The following POU2F2 variants were observed in gnomAD, a reference collection of about 807,000 sequenced individuals.
POU2F2 encodes POU domain, class 2, transcription factor 2.
In POU2F2, 14 loss-of-function variants were observed where a neutral mutation model predicts 63.5. The observed-to-expected ratio is 0.22, with a 90% CI of 0.15 to 0.34. The LOEUF (loss-of-function observed/expected upper bound fraction) is 0.34. Ranked by LOEUF, POU2F2 falls within the 10% of genes least tolerant of loss-of-function variation. The probability of loss-of-function intolerance (pLI) is 1.00; values close to 1 mark genes in which losing one functional copy is unlikely to be tolerated. For synonymous variants in POU2F2, 306 were observed against 348.6 expected, an observed-to-expected ratio of 0.88 and a Z score of 1.36; for missense variants, 607 against 815.2, an observed-to-expected ratio of 0.74 and a Z score of 3.11.
At chr19:42,130,148 CACAG>C (rs2033578148) in intron 1 of POU2F2, among the ~76,000 whole-genome samples, 1 of 152,082 alleles carries the variant, frequency 6.6e-6, no homozygotes, top group East Asian at 1.9e-4. Flanking sequence ...CGGAGTCGAA[CACAG>C]ACATACACCC....
intron 5 of POU2F2, among the ~76,000 whole-genome samples, chr19:42,113,957 C>T (rs191854727): frequency 1.3e-5 from 2 of 152,248 alleles, no homozygotes; most frequent in East Asian, 1.9e-4. Context: ...GTAGAAATGA[C>T]GTCAAAGGGC....
Position 42,093,877 on chromosome 19 carries a change from C to A in POU2F2, c.1216G>T (p.Ala406Ser), listed in dbSNP as rs768313993. The A allele has an allele frequency of 1.2e-6, 2 of 1,611,856 alleles. No homozygotes were observed. Among genetic ancestry groups the A allele is most frequent in the African/African-American group, 2.7e-5 (2 of 74,906 alleles). Residue 406 changes from alanine (A) to serine (S), a missense_variant, in exon 12 of 15, where the codon GCG becomes TCG. Around this residue, in one of 7 missense-constraint regions of POU2F2, gnomAD observed 270 missense variants for 307.5 expected, o/e 0.88. Coordinates refer to ENST00000692977, the MANE Select transcript of POU2F2 (RefSeq NM_001394376.1). ...GCTTGGGACAACGGTAAGGTCCCCGCGCCCCCTTGGGGTGTGACCTGAGGA... is the reference window on the plus strand; with the variant it reads ...GCTTGGGACAACGGTAAGGTCCCCGAGCCCCCTTGGGGTGTGACCTGAGGA... Reference protein sequence around the residue: ...SPHMVTPQGGAGTLPLSQASS... With the variant: ...SPHMVTPQGGSGTLPLSQASS...
chr19:42,101,078 C>T (rs1023156869), intron 5 of POU2F2, among the ~76,000 whole-genome samples: 1 of 152,118 alleles, frequency 6.6e-6, no homozygotes, highest in Non-Finnish European at 1.5e-5. Context: ...TGCACTGCAG[C>T]CTGGGTGACA....
intron 1 of POU2F2, among the ~76,000 whole-genome samples, chr19:42,194,375 C>T (rs1355109291): frequency 6.6e-6 from 1 of 151,258 alleles, no homozygotes; most frequent in African/African-American, 2.4e-5. Flanking sequence ...GAGCAAGACC[C>T]TGTTGAAAGA....
chr19:42,195,330 C>CTTTTTTT (rs894258162), intron 1 of POU2F2, among the ~76,000 whole-genome samples: 19 of 125,522 alleles, frequency 1.5e-4, no homozygotes, highest in African/African-American at 2.5e-4. Context: ...CCCTCTTTTT[C>CTTTTTTT]TTTTTTTTTT....
In POU2F2 at chr19:42,095,666, G is replaced by T. The variant is rs1317810840; in HGVS notation, c.899C>A (p.Pro300His). The T allele has an allele frequency of 3.7e-6, 6 of 1,612,284 alleles. No homozygotes were observed. The highest frequency in any genetic ancestry group is 4.2e-6 in the Non-Finnish European group (5 of 1,179,842). The change falls in exon 10 of 15, where the codon CCC (proline) becomes CAC (histidine). Residue 300 changes from proline (P) to histidine (H), a missense_variant. Pro to His is a moderately conservative substitution (Grantham distance 77, BLOSUM62 -2). Transcript: ENST00000692977. This position sits in a 1 kb window ranked among gnomAD's most constrained non-coding sequence, Gnocchi z 7.1. ...GGGGCTGCTCAGCTGGTTGGGGCTG[G>T]GCAGGCTTGAGTCCACAGACATAGT... Reference protein sequence around the residue: ...AETMSVDSSLPSPNQLSSPSL... With the variant: ...AETMSVDSSLHSPNQLSSPSL...
intron 1 of POU2F2, among the ~76,000 whole-genome samples, chr19:42,184,908 G>T (rs966811064): frequency 6.6e-6 from 1 of 151,974 alleles, no homozygotes; most frequent in Non-Finnish European, 1.5e-5. Context: ...CCTCCTAGAG[G>T]TTCCAAAAAT....
intron 1 of POU2F2, among the ~76,000 whole-genome samples, chr19:42,191,238 C>T (rs571657038): frequency 7.0e-4 from 106 of 152,244 alleles, no homozygotes; most frequent in African/African-American, 2.5e-3. Context: ...TTAGGTTCCT[C>T]CCTAAAAGAA....
Position 42,153,647 on chromosome 19 carries a change from T to C in POU2F2, c.-9+6685A>G, listed in dbSNP as rs371192094. Reference sequence around the variant, plus strand: ...CTCCTCATGAGTGTCGGAGAGTCCATGCGGTTTCTCTGTGTGTCTATGTGA... The same window carrying C: ...CTCCTCATGAGTGTCGGAGAGTCCACGCGGTTTCTCTGTGTGTCTATGTGA... On this transcript the variant is annotated intron_variant, in intron 2 of 6. Coordinates refer to the POU2F2 transcript ENST00000524801. The surrounding 1 kb of genome is among the most constrained non-coding windows in gnomAD (Gnocchi z 5.6). 2.0e-4 allele frequency among the ~76,000 whole-genome samples: 30 copies of C among 152,120 alleles called. No homozygotes were observed.
At chr19:42,140,227 C>T (rs1009221173) in intron 2 of POU2F2, among the ~76,000 whole-genome samples, 1 of 152,270 alleles carries the variant, frequency 6.6e-6, no homozygotes, top group East Asian at 1.9e-4. Context: ...TGCTGCTGCC[C>T]CCAGGCTTTC....
chr19:42,132,499 A>T (rs1233289941), upstream of POU2F2: 1 of 1,307,538 alleles, frequency 7.6e-7, no homozygotes. Context: ...GAAGTCACTC[A>T]GGGAGGAAAC....
intron 1 of POU2F2, among the ~76,000 whole-genome samples, chr19:42,168,671 A>G (rs2034698695): frequency 6.6e-6 from 1 of 152,360 alleles, no homozygotes; most frequent in East Asian, 1.9e-4. Flanking sequence ...ACCTAGGGAC[A>G]TGCCAGAGGA....
Position 42,153,555 on chromosome 19 carries a change from G to A in POU2F2, c.-9+6777C>T, listed in dbSNP as rs868030821. Among the ~76,000 whole-genome samples, 3 of 152,072 alleles carry A rather than the reference G, an allele frequency of 2.0e-5. No individual in the cohort carries two copies. The highest frequency in any genetic ancestry group is 7.2e-5 in the African/African-American group (3 of 41,382). On this transcript the variant is annotated intron_variant, in intron 2 of 6. Transcript: ENST00000524801. The surrounding 1 kb of genome is among the most constrained non-coding windows in gnomAD (Gnocchi z 5.6). The stretch of plus-strand genomic sequence containing the variant: ...GGGTCCCGTGTGGATCTGTGCCTGT[G>A]CCTGTGGGCAGCTGCGTGTGCTTCA...
upstream of POU2F2, among the ~76,000 whole-genome samples, chr19:42,134,977 G>A (rs535307883): frequency 5.9e-5 from 9 of 152,138 alleles, no homozygotes; most frequent in South Asian, 6.2e-4. Context: ...ACAGCAGAGC[G>A]AGATTCTTCA....
intron 5 of POU2F2, among the ~76,000 whole-genome samples, chr19:42,106,553 C>T (rs2030044031): frequency 6.6e-6 from 1 of 152,082 alleles, no homozygotes; most frequent in African/African-American, 2.4e-5. Flanking sequence ...ACAATTATAC[C>T]CCAAACCTCA....
At chr19:42,134,149 G>T (rs1568407760), upstream of POU2F2, among the ~76,000 whole-genome samples, 1 of 148,272 alleles carries the variant, frequency 6.7e-6, no homozygotes, top group Non-Finnish European at 1.5e-5. Context: ...CGACATTTAC[G>T]CAGTAAGCTT....
At chr19:42,097,878 C>A (rs78808994) in intron 7 of POU2F2, among the ~76,000 whole-genome samples, 1 of 152,174 alleles carries the variant, frequency 6.6e-6, no homozygotes, top group Admixed American at 6.5e-5. Flanking sequence ...AGTGATGAAG[C>A]GTAGGCTTTT....
chr19:42,105,744 C>T lies in POU2F2; in HGVS notation c.370-5923G>A, dbSNP rs368751618. Among the ~76,000 whole-genome samples the T allele has an allele frequency of 7.2e-5, 11 of 152,302 alleles. No homozygotes were observed. In the South Asian group the frequency reaches 2.3e-3, roughly 32 times the overall value. On this transcript the variant is annotated intron_variant, in intron 5 of 14. Coordinates refer to ENST00000692977, the MANE Select transcript of POU2F2 (RefSeq NM_001394376.1). Reference sequence around the variant, plus strand: ...ACCTTCCCTTCCTCTCCCCATCCATCCAATCCATCTGCAATGCAAGTCTTC... The same window carrying T: ...ACCTTCCCTTCCTCTCCCCATCCATTCAATCCATCTGCAATGCAAGTCTTC...
chr19:42,169,296 T>C lies in POU2F2; in HGVS notation c.-70+6667A>G, dbSNP rs1012005006. On this transcript the variant is annotated intron_variant, in intron 1 of 6. Transcript: ENST00000524801. This position sits in a 1 kb window ranked among gnomAD's most constrained non-coding sequence, Gnocchi z 4.3. ...GCTGGGATGCTGCCATGTTTTAGTATTTCTATTCGTACATTTTCTATTGAA... is the reference window on the plus strand; with the variant it reads ...GCTGGGATGCTGCCATGTTTTAGTACTTCTATTCGTACATTTTCTATTGAA... 1.3e-4 allele frequency among the ~76,000 whole-genome samples: 20 copies of C among 152,340 alleles called. No homozygotes were observed. The highest frequency in any genetic ancestry group is 7.7e-4 in the East Asian group (4 of 5,190).
Sources: gnomAD v4.1 joint callset for allele counts (sites outside exome capture counted in the v4.1 genomes callset) on GRCh38, gnomAD v4.1.1 for gene constraint, gnomAD v4.1.1 regional missense constraint, Gnocchi (gnomAD v3.1) non-coding constraint, MANE v1.5 for transcripts, NCBI Gene and HGNC (gene_info 2026-07-23, HGNC 2026-07-21) for gene names.